Variants in MITF observed in about 807,000 individuals in gnomAD.
The protein encoded by MITF is microphthalmia-associated transcription factor.
A neutral mutation model predicts 60.5 loss-of-function variants in MITF; 17 were observed. That is an observed-to-expected ratio of 0.28 (90% CI 0.19 to 0.42). The LOEUF (loss-of-function observed/expected upper bound fraction) is 0.42. MITF is among the 10% of genes least tolerant of loss of function. MITF has a pLI of 1.00. For missense variants in MITF, 622 were observed against 683.5 expected, an observed-to-expected ratio of 0.91 and a Z score of 1.00; for synonymous variants, 260 against 248.5, an observed-to-expected ratio of 1.05 and a Z score of -0.43.
chr3:69,960,701 A>C (rs951787509), intron 9 of MITF, among the ~76,000 whole-genome samples: 3 of 152,138 alleles, frequency 2.0e-5, no homozygotes, highest in Non-Finnish European at 4.4e-5. Flanking sequence ...CTATTCATGG[A>C]GTTATTTTAC....
At chr3:69,910,438 A>T (rs2065199167) in intron 2 of MITF, among the ~76,000 whole-genome samples, 1 of 152,154 alleles carries the variant, frequency 6.6e-6, no homozygotes, top group Admixed American at 6.5e-5. Context: ...CTGTGAGAAG[A>T]GGGCCACTAT....
chr3:69,835,015 CTTT>C (rs142347719), intron 1 of MITF, among the ~76,000 whole-genome samples: 115 of 68,542 alleles, frequency 1.7e-3, no homozygotes, highest in African/African-American at 6.0e-3. Flanking sequence ...GCTCTTTTAC[CTTT>C]TTTTTTTTTT....
chr3:69,925,192 C>T (rs1027850693), intron 2 of MITF, among the ~76,000 whole-genome samples: 2 of 152,050 alleles, frequency 1.3e-5, no homozygotes, highest in Admixed American at 1.3e-4. Context: ...TCTCCAGCAA[C>T]TATTAGGTAG....
At chr3:69,848,624 A>G (rs2063771003) in intron 1 of MITF, among the ~76,000 whole-genome samples, 1 of 152,186 alleles carries the variant, frequency 6.6e-6, no homozygotes, top group Admixed American at 6.5e-5. Flanking sequence ...TCATGCTCAG[A>G]GTGGTGACAA....
At position 69,855,569 on chromosome 3, in the gene MITF, TCAAGTACAACA is replaced by T. The variant is rs1260521564; in HGVS notation, c.105-23561_105-23551del. ...TAACTTTGTGTAATGATTTTTTTTT[TCAAGTACAACA>T]CAAAACCTGCTCACGAATCCCAAAG... On this transcript the variant is annotated intron_variant, in intron 1 of 9. Coordinates refer to ENST00000352241, the MANE Select transcript of MITF (RefSeq NM_001354604.2). Among the ~76,000 whole-genome samples, 5 of 152,222 alleles carry T rather than the reference TCAAGTACAACA, an allele frequency of 3.3e-5. No individual in the cohort carries two copies. The East Asian group carries it at 9.7e-4, about 29-fold the overall frequency.
chr3:69,934,749 C>G (rs751940601), intron 2 of MITF, among the ~76,000 whole-genome samples: 3 of 152,182 alleles, frequency 2.0e-5, no homozygotes, highest in Non-Finnish European at 4.4e-5. Context: ...ACTAATTTCT[C>G]AGAAGAGAAA....
chr3:69,759,599 C>A (rs1161311275), intron 1 of MITF, among the ~76,000 whole-genome samples: 1 of 152,162 alleles, frequency 6.6e-6, no homozygotes, highest in Non-Finnish European at 1.5e-5. Flanking sequence ...AGTGGAGAAT[C>A]CATGAATAAT....
At chr3:69,822,960 G>A in intron 1 of MITF, among the ~76,000 whole-genome samples, 1 of 150,978 alleles carries the variant, frequency 6.6e-6, no homozygotes. Flanking sequence ...GTACAGTGGT[G>A]CAATCTCGGC....
chr3:69,763,786 A>G (rs768348475), intron 1 of MITF: 6 of 1,364,018 alleles, frequency 4.4e-6, no homozygotes, highest in East Asian at 3.6e-5. Context: ...GTAAAAGCTA[A>G]TGGTTGGCAT....
intron 2 of MITF, among the ~76,000 whole-genome samples, chr3:69,886,011 G>A (rs1344871188): frequency 6.6e-6 from 1 of 152,038 alleles, no homozygotes; most frequent in African/African-American, 2.4e-5. Flanking sequence ...GTCACAGAGG[G>A]GTCAACTAGG....
At chr3:69,865,671 C>T (rs2064099773) in intron 1 of MITF, among the ~76,000 whole-genome samples, 2 of 152,138 alleles carry the variant, frequency 1.3e-5, no homozygotes, top group Admixed American at 1.3e-4. Flanking sequence ...GGACAACCCT[C>T]CTAATATTCT....
At chr3:69,827,334 A>C (rs1472705260) in intron 1 of MITF, among the ~76,000 whole-genome samples, 1 of 152,234 alleles carries the variant, frequency 6.6e-6, no homozygotes, top group Non-Finnish European at 1.5e-5. Context: ...TGCTGCATTA[A>C]CAAAGGACTC....
At chr3:69,769,772 CCTTTTCT>C (rs2062364887) in intron 1 of MITF, 1 of 152,152 alleles carries the variant, frequency 6.6e-6, no homozygotes, top group African/African-American at 2.4e-5. Flanking sequence ...TGTGCCAGTG[CCTTTTCT>C]TTCTTTAAAC....
intron 1 of MITF, among the ~76,000 whole-genome samples, chr3:69,848,085 C>T (rs1399904180): frequency 1.3e-5 from 2 of 152,154 alleles, no homozygotes; most frequent in Non-Finnish European, 2.9e-5. Flanking sequence ...TGTTACGATG[C>T]TCTTGCAGAA....
chr3:69,773,471 G>T (rs754951959), intron 1 of MITF, among the ~76,000 whole-genome samples: 1 of 152,176 alleles, frequency 6.6e-6, no homozygotes, highest in Non-Finnish European at 1.5e-5. Flanking sequence ...GTAAACCACG[G>T]TTTTGTCACT....
At chr3:69,775,375 C>T (rs2062457855) in intron 1 of MITF, among the ~76,000 whole-genome samples, 1 of 152,150 alleles carries the variant, frequency 6.6e-6, no homozygotes, top group Non-Finnish European at 1.5e-5. Flanking sequence ...CTGCCTGTCT[C>T]AGCTGAGGGT....
chr3:69,945,048 T>G (rs1204181682), intron 5 of MITF, among the ~76,000 whole-genome samples: 1 of 152,102 alleles, frequency 6.6e-6, no homozygotes, highest in Non-Finnish European at 1.5e-5. Flanking sequence ...GGAATTGAAG[T>G]CTAGAAATAA....
At chr3:69,816,813 T>C (rs1244998485) in intron 1 of MITF, among the ~76,000 whole-genome samples, 1 of 152,216 alleles carries the variant, frequency 6.6e-6, no homozygotes, top group Non-Finnish European at 1.5e-5. Flanking sequence ...ATGATGATGT[T>C]GATAATGGTG....
rs2062204391 is a variant in MITF, at chr3:69,761,074, CCTCT to C, written c.104+21374_104+21377del. Among the ~76,000 whole-genome samples, 4 of 152,020 alleles carry C rather than the reference CCTCT, an allele frequency of 2.6e-5. No homozygotes were observed. The South Asian group carries it at 8.3e-4, about 32-fold the overall frequency. ...CAGTAGCATCTAGCATTTTTAAAGC[CCTCT>C]TTACAGATATGCCTTGTGTTAGTGC... On this transcript the variant is annotated intron_variant, in intron 1 of 9. Transcript: ENST00000352241.
Sources: allele counts gnomAD v4.1 joint callset (sites outside exome capture counted in the v4.1 genomes callset), GRCh38; gene constraint gnomAD v4.1.1; transcripts MANE v1.5; gene names NCBI Gene and HGNC (gene_info 2026-07-23, HGNC 2026-07-21).